Variants in JAM2 observed in about 807,000 individuals in gnomAD.
The protein encoded by JAM2 is junctional adhesion molecule 2.
A neutral mutation model predicts 42.0 loss-of-function variants in JAM2; 17 were observed. That is an observed-to-expected ratio of 0.40 (90% CI 0.28 to 0.61). JAM2 has a LOEUF of 0.61. JAM2 is among the 20% of genes least tolerant of loss of function. The probability of loss-of-function intolerance (pLI) is 0.37; values close to 1 mark genes in which losing one functional copy is unlikely to be tolerated. For missense variants in JAM2, 319 were observed against 358.3 expected (o/e 0.89, Z 0.89); for synonymous variants, 118 against 128.6 (o/e 0.92, Z 0.56).
chr21:25,694,849 A>T (rs1169643000), intron 4 of JAM2, among the ~76,000 whole-genome samples: 1 of 151,674 alleles, frequency 6.6e-6, no homozygotes, highest in East Asian at 1.9e-4. Context: ...AAAAAAAAAA[A>T]TAAAAAGAAT....
chr21:25,641,410 G>T (rs577414487), intron 1 of JAM2, among the ~76,000 whole-genome samples: 1 of 152,110 alleles, frequency 6.6e-6, no homozygotes, highest in Non-Finnish European at 1.5e-5. Flanking sequence ...ACCAAGAGGC[G>T]AACAAAAGCA....
rs548807802 is a variant in JAM2, at chr21:25,673,414, G to C, written c.68-10469G>C. On this transcript the variant is annotated intron_variant, in intron 1 of 9. Transcript: ENST00000480456. ...CATCAGTAGTCCCTCTTATACTTAA[G>C]TTGTCGAAGAACCAGAAAAGGGAGA... 1.6e-4 allele frequency among the ~76,000 whole-genome samples: 25 copies of C among 152,278 alleles called. No homozygotes were observed. In the South Asian group the frequency reaches 5.2e-3, roughly 32 times the overall value.
Position 25,670,949 on chromosome 21 carries a change from A to G in JAM2, c.68-12934A>G, listed in dbSNP as rs112965804. Among the ~76,000 whole-genome samples, 421 of 152,318 alleles carry G rather than the reference A, an allele frequency of 2.8e-3. 2 individuals carry two copies. Among genetic ancestry groups the G allele is most frequent in the East Asian group, 0.015 (78 of 5,192 alleles). On this transcript the variant is annotated intron_variant, in intron 1 of 9. Transcript: ENST00000480456. ...GCTGGGAAGTTTCCCTTGGTTTTCA[A>G]ATTTCTTCTGTAAGCACTTGTGGTA...
At chr21:25,679,500 C>G (rs1392720938) in intron 1 of JAM2, among the ~76,000 whole-genome samples, 3 of 152,212 alleles carry the variant, frequency 2.0e-5, no homozygotes, top group Non-Finnish European at 4.4e-5. Flanking sequence ...GTTGTCATCA[C>G]TTGGGGGCAT....
At chr21:25,641,595 GTT>G (rs35512715) in intron 1 of JAM2, among the ~76,000 whole-genome samples, 132 of 149,300 alleles carry the variant, frequency 8.8e-4, no homozygotes, top group Non-Finnish European at 1.3e-3. Flanking sequence ...GTATGTGGGT[GTT>G]TTTTTTTTTA....
intron 4 of JAM2, among the ~76,000 whole-genome samples, chr21:25,696,406 GGGAGGAGGA>G (rs374663920): frequency 6.6e-6 from 1 of 152,224 alleles, no homozygotes; most frequent in African/African-American, 2.4e-5. Flanking sequence ...GGGAGGGAGA[GGGAGGAGGA>G]GGGGGAGAGG....
intron 4 of JAM2, among the ~76,000 whole-genome samples, 162 bp from the exon 5 acceptor site, chr21:25,698,515 G>C (rs1466220307): frequency 3.9e-5 from 6 of 152,208 alleles, no homozygotes; most frequent in Non-Finnish European, 2.9e-5. Flanking sequence ...AGATGGGTTT[G>C]TTGGACAAGT....
chr21:25,715,903 T>C lies in JAM2; in HGVS notation c.*1231T>C, dbSNP rs1163665339. 2.0e-5 allele frequency: 3 copies of C among 152,158 alleles called. No homozygotes were observed. The highest frequency in any genetic ancestry group is 7.2e-5 in the African/African-American group (3 of 41,448). The allele number at this position is 152,158 out of a possible 1,614,324, so 9.4% of individuals were successfully genotyped here. On this transcript the variant is annotated 3_prime_UTR_variant, in exon 10 of 10. Coordinates refer to ENST00000480456, the MANE Select transcript of JAM2 (RefSeq NM_021219.4). ...TTAAAAACAAAATATGGCTAGGGCA[T>C]GTCCTATTCTTCTGGGCAAATGTGG...
chr21:25,645,831 C>G (rs1370516145), intron 1 of JAM2, among the ~76,000 whole-genome samples: 1 of 152,152 alleles, frequency 6.6e-6, no homozygotes, highest in Non-Finnish European at 1.5e-5. Flanking sequence ...GTACTGGATA[C>G]TGTAGGCAAC....
chr21:25,685,018 A>T (rs1434463060), intron 2 of JAM2, among the ~76,000 whole-genome samples: 1 of 152,226 alleles, frequency 6.6e-6, no homozygotes, highest in Non-Finnish European at 1.5e-5. Context: ...ATACTTGTTT[A>T]GGCCAGAGCT....
chr21:25,684,182 T>A (rs1286145514), intron 2 of JAM2, among the ~76,000 whole-genome samples: 3 of 152,214 alleles, frequency 2.0e-5, no homozygotes, highest in Non-Finnish European at 2.9e-5. Context: ...TCCTATAACT[T>A]AAATTATCTG....
In JAM2 at chr21:25,702,172, A is replaced by G. The variant is rs774243399; in HGVS notation, c.600A>G (p.Gln200=). 4 of 1,545,862 alleles carry G rather than the reference A, an allele frequency of 2.6e-6. No individual in the cohort carries two copies. The South Asian group carries it at 4.8e-5, about 19-fold the overall frequency. ...YTMNTKTGTL[Q]FNTVSKLDTG... ...TATATTTTTGCATCCACAAATAGCA[A>G]TTTAATACTGTTTCCAAACTGGACA... Residue 200 remains glutamine, a splice_region_variant and synonymous_variant, in exon 6 of 10, where the codon CAA becomes CAG. Transcript: ENST00000480456.
At chr21:25,680,475 T>C (rs1006335057) in intron 1 of JAM2, among the ~76,000 whole-genome samples, 2 of 152,308 alleles carry the variant, frequency 1.3e-5, no homozygotes, top group African/African-American at 4.8e-5. Context: ...AGCACCTAAG[T>C]TTCTGGTGTG....
chr21:25,696,318 A>G (rs1261523378), intron 4 of JAM2, among the ~76,000 whole-genome samples: 3 of 152,150 alleles, frequency 2.0e-5, no homozygotes, highest in Non-Finnish European at 2.9e-5. Context: ...GGGAGGTTGC[A>G]GTGAGCCGAG....
At chr21:25,672,107 TTTTC>T (rs774371852) in intron 1 of JAM2, among the ~76,000 whole-genome samples, 38 of 152,050 alleles carry the variant, frequency 2.5e-4, no homozygotes, top group Non-Finnish European at 4.1e-4. Context: ...CTATTTTTCT[TTTTC>T]TTTCTTTCTT....
At chr21:25,692,389 C>A in intron 3 of JAM2, 1 of 197,498 alleles carries the variant, frequency 5.1e-6, no homozygotes, top group Non-Finnish European at 1.1e-5. Flanking sequence ...TAGACACAAT[C>A]ACTGACAAGG....
At chr21:25,674,265 C>T (rs914281161) in intron 1 of JAM2, among the ~76,000 whole-genome samples, 9 of 152,136 alleles carry the variant, frequency 5.9e-5, no homozygotes, top group Middle Eastern at 3.4e-3. Context: ...TGTGGTGGCA[C>T]GTGCCTGTGA....
chr21:25,700,256 C>A (rs1017567441), intron 5 of JAM2, among the ~76,000 whole-genome samples: 1 of 151,620 alleles, frequency 6.6e-6, no homozygotes, highest in Non-Finnish European at 1.5e-5. Flanking sequence ...ATGTAATATT[C>A]TATGTCAGTT....
At chr21:25,657,186 T>C (rs140545416) in intron 1 of JAM2, among the ~76,000 whole-genome samples, 1,673 of 152,294 alleles carry the variant, frequency 0.011, 12 homozygotes, top group South Asian at 0.019. Flanking sequence ...CTAATTTATT[T>C]ATTTTTTTGT....
Sources: gnomAD v4.1 joint callset for allele counts (sites outside exome capture counted in the v4.1 genomes callset) on GRCh38, gnomAD v4.1.1 for gene constraint, MANE v1.5 for transcripts, NCBI Gene and HGNC (gene_info 2026-07-23, HGNC 2026-07-21) for gene names.